Variants in HTR1F observed in about 807,000 individuals in gnomAD.
HTR1F encodes 5-hydroxytryptamine (serotonin) receptor 1F, G protein-coupled.
Under a neutral mutation model 24.0 loss-of-function variants are expected in HTR1F, and 17 were observed. The observed-to-expected ratio is 0.71, with a 90% CI of 0.48 to 1.06. The LOEUF (loss-of-function observed/expected upper bound fraction) is 1.06, where lower values mean the gene tolerates loss of function less well. Ranked by LOEUF, HTR1F falls within the 50% of genes least tolerant of loss-of-function variation. HTR1F has a pLI of 0.00. For missense variants in HTR1F, 391 were observed against 427.8 expected (o/e 0.91, Z 0.76); for synonymous variants, 186 against 156.8 (o/e 1.19, Z -1.39).
At chr3:87,805,312 T>G (rs1329792614) in intron 1 of HTR1F, among the ~76,000 whole-genome samples, 1 of 152,072 alleles carries the variant, frequency 6.6e-6, no homozygotes, top group African/African-American at 2.4e-5. Flanking sequence ...AAGATATTTA[T>G]TAGAATAGCA....
At chr3:87,834,396 G>A (rs1704642001) in intron 2 of HTR1F, among the ~76,000 whole-genome samples, 1 of 151,380 alleles carries the variant, frequency 6.6e-6, no homozygotes. Flanking sequence ...AAACAATTTG[G>A]GACTTAAAAA....
chr3:87,915,650 A>C (rs1422895418), intron 2 of HTR1F, among the ~76,000 whole-genome samples: 2 of 152,152 alleles, frequency 1.3e-5, no homozygotes, highest in African/African-American at 4.8e-5. Flanking sequence ...CAATCCAACA[A>C]AGACAAAGAA....
intron 2 of HTR1F, among the ~76,000 whole-genome samples, chr3:87,945,841 T>C (rs573360039): frequency 6.6e-6 from 1 of 152,126 alleles, no homozygotes; most frequent in East Asian, 1.9e-4. Flanking sequence ...GGTCCCTTCT[T>C]GGTCGCCAAA....
chr3:87,819,780 C>T (rs2029437), intron 1 of HTR1F, among the ~76,000 whole-genome samples: 64,671 of 151,614 alleles, frequency 0.43, 16,481 homozygotes, highest in African/African-American at 0.72. Context: ...GGGGCAAAAA[C>T]ATTTCTATAT....
intron 2 of HTR1F, among the ~76,000 whole-genome samples, chr3:87,950,338 T>C (rs1704805586): frequency 6.6e-6 from 1 of 152,206 alleles, no homozygotes; most frequent in African/African-American, 2.4e-5. Flanking sequence ...TATTTTATCC[T>C]CTCACAAGTT....
rs188793964 is a variant in HTR1F, at chr3:87,943,914, G to A, written c.-42-46794G>A. ...TACATCTTAGGGGCGTTTTTGCCTT[G>A]GGGGGAACATTTCCCATCTGAAAAA... is the stretch of plus-strand genomic sequence containing the variant. On this transcript the variant is annotated intron_variant, in intron 2 of 2. Transcript: ENST00000319595. 4.7e-4 allele frequency among the ~76,000 whole-genome samples: 67 copies of A among 141,652 alleles called. No individual in the cohort carries two copies. In the East Asian group the frequency reaches 0.012, roughly 26 times the overall value. The allele number at this position is 141,652 out of a possible 152,430, so 92.9% of individuals were successfully genotyped here. A position where few individuals can be genotyped will look rare whatever the true frequency, so the allele number is the denominator to read the frequency against.
At chr3:87,888,175 T>A (rs1705999785) in intron 2 of HTR1F, among the ~76,000 whole-genome samples, 1 of 152,192 alleles carries the variant, frequency 6.6e-6, no homozygotes, top group Admixed American at 6.5e-5. Flanking sequence ...TGCATGGATG[T>A]GGATGAAGCT....
At chr3:87,811,016 C>T (rs1704152042) in intron 1 of HTR1F, among the ~76,000 whole-genome samples, 1 of 152,056 alleles carries the variant, frequency 6.6e-6, no homozygotes, top group Admixed American at 6.6e-5. Context: ...TTTTATATGC[C>T]AATAGGCCAT....
intron 2 of HTR1F, among the ~76,000 whole-genome samples, chr3:87,857,908 A>C (rs545771747): frequency 1.3e-5 from 2 of 152,202 alleles, no homozygotes; most frequent in African/African-American, 4.8e-5. Flanking sequence ...CTACGGCAAG[A>C]TATGATAATA....
At chr3:87,945,551 T>A (rs1287389118) in intron 2 of HTR1F, among the ~76,000 whole-genome samples, 1 of 152,170 alleles carries the variant, frequency 6.6e-6, no homozygotes, top group East Asian at 1.9e-4. Flanking sequence ...AACCGGCTAA[T>A]GCTGGGAGTT....
In HTR1F at chr3:87,851,364, AT is replaced by A. The variant is rs199943462; in HGVS notation, c.-43+29247del. On this transcript the variant is annotated intron_variant, in intron 2 of 2. Coordinates refer to ENST00000319595, the MANE Select transcript of HTR1F (RefSeq NM_001322209.2). ...ACTGAAATGGAAGCAAGTCATGTGT[AT>A]TTTTTTAACTACTATTTTTTTAAAC... is the stretch of plus-strand genomic sequence containing the variant. Among the ~76,000 whole-genome samples the A allele has an allele frequency of 9.9e-3, 1,507 of 151,600 alleles. 55 individuals are homozygous for A. Among genetic ancestry groups the A allele is most frequent in the African/African-American group, 0.033 (1,379 of 41,222 alleles).
chr3:87,932,250 G>C (rs1704294836), intron 2 of HTR1F, among the ~76,000 whole-genome samples: 1 of 152,084 alleles, frequency 6.6e-6, no homozygotes, highest in African/African-American at 2.4e-5. Flanking sequence ...TCCAGTTTCA[G>C]CCTTCTACAT....
At chr3:87,849,672 A>G (rs2107201346) in intron 2 of HTR1F, among the ~76,000 whole-genome samples, 1 of 152,028 alleles carries the variant, frequency 6.6e-6, no homozygotes, top group Middle Eastern at 3.4e-3. Context: ...TGAACAGGCA[A>G]CCTACAGAAT....
At chr3:87,822,831 G>A (rs1357430548) in intron 2 of HTR1F, among the ~76,000 whole-genome samples, 1 of 152,112 alleles carries the variant, frequency 6.6e-6, no homozygotes, top group East Asian at 1.9e-4. Context: ...GAACAGCAAT[G>A]GATTAAGTGC....
At chr3:87,837,269 T>C (rs557468737) in intron 2 of HTR1F, among the ~76,000 whole-genome samples, 1 of 152,260 alleles carries the variant, frequency 6.6e-6, no homozygotes, top group South Asian at 2.1e-4. Flanking sequence ...TAATTCTTTC[T>C]CCATATTCTC....
chr3:87,919,671 C>T (rs1460926657), intron 2 of HTR1F, among the ~76,000 whole-genome samples: 1 of 151,918 alleles, frequency 6.6e-6, no homozygotes, highest in African/African-American at 2.4e-5. Flanking sequence ...CGATATGATA[C>T]CACCTTACTC....
At chr3:87,912,430 CA>C in intron 2 of HTR1F, among the ~76,000 whole-genome samples, 1 of 151,870 alleles carries the variant, frequency 6.6e-6, no homozygotes, top group East Asian at 1.9e-4. Context: ...ATGATACAAA[CA>C]AATGGAAAAA....
intron 2 of HTR1F, among the ~76,000 whole-genome samples, chr3:87,888,810 T>C (rs1398280622): frequency 6.6e-6 from 1 of 152,164 alleles, no homozygotes; most frequent in South Asian, 2.1e-4. Flanking sequence ...GAGCTGAAAG[T>C]ATTTAGCACA....
At chr3:87,969,497 C>T (rs748599420) in intron 2 of HTR1F, among the ~76,000 whole-genome samples, 51 of 152,136 alleles carry the variant, frequency 3.4e-4, no homozygotes, top group Admixed American at 2.9e-3. Flanking sequence ...TGGACTTTCA[C>T]GGGGCCTGTA....
Sources: allele counts gnomAD v4.1 joint callset (sites outside exome capture counted in the v4.1 genomes callset), GRCh38; gene constraint gnomAD v4.1.1; transcripts MANE v1.5; gene names NCBI Gene and HGNC (gene_info 2026-07-23, HGNC 2026-07-21).